GNAT3: variants seen among roughly 807,000 people sequenced by gnomAD.
GNAT3 encodes the protein guanine nucleotide-binding protein G(t) subunit alpha-3.
Under a neutral mutation model 37.7 loss-of-function variants are expected in GNAT3, and 31 were observed. That is an observed-to-expected ratio of 0.82 (90% CI 0.62 to 1.11). The LOEUF (loss-of-function observed/expected upper bound fraction) is 1.11. Ranked by LOEUF, GNAT3 falls within the 50% of genes most tolerant of loss-of-function variation. The pLI is 0.00. For missense variants in GNAT3, 437 were observed against 412.5 expected (o/e 1.06, Z -0.51); for synonymous variants, 138 against 139.8 (o/e 0.99, Z 0.09).
At chr7:80,462,665 G>A (rs799936) in intron 5 of GNAT3, 34 bp from the exon 6 acceptor site, 504,375 of 1,572,548 alleles carry the variant, frequency 0.32, 86,104 homozygotes, top group East Asian at 0.66. Flanking sequence ...AATAAATCTT[G>A]CAAATATCCT....
At chr7:80,507,202 AC>A (rs1790963164) in intron 1 of GNAT3, among the ~76,000 whole-genome samples, 2 of 151,960 alleles carry the variant, frequency 1.3e-5, no homozygotes, top group Non-Finnish European at 2.9e-5. Flanking sequence ...ACAGGCATGG[AC>A]TATGTTGGTG....
At chr7:80,491,384 T>C (rs578223197) in intron 2 of GNAT3, among the ~76,000 whole-genome samples, 2 of 152,176 alleles carry the variant, frequency 1.3e-5, no homozygotes, top group African/African-American at 4.8e-5. Context: ...CTCTCTAGTT[T>C]AGACAAAGTG....
intron 1 of GNAT3, among the ~76,000 whole-genome samples, chr7:80,500,502 C>A (rs1459506996): frequency 3.3e-5 from 5 of 152,044 alleles, no homozygotes; most frequent in Non-Finnish European, 7.4e-5. Flanking sequence ...TCACCAAAAT[C>A]CCTGATAGGA....
chr7:80,506,112 C>T (rs1480631602), intron 1 of GNAT3, among the ~76,000 whole-genome samples: 2 of 152,216 alleles, frequency 1.3e-5, no homozygotes, highest in Admixed American at 6.5e-5. Context: ...GTTAACTGCT[C>T]ATGTTGCTTA....
intron 7 of GNAT3, 70 bp from the exon 8 acceptor site, chr7:80,458,931 T>A (rs1181909017): frequency 4.7e-6 from 5 of 1,055,274 alleles, no homozygotes; most frequent in East Asian, 2.8e-5. Context: ...ATAAATAATA[T>A]CAGCAAATTT....
chr7:80,477,203 G>T (rs1790318832), intron 4 of GNAT3, among the ~76,000 whole-genome samples: 1 of 152,042 alleles, frequency 6.6e-6, no homozygotes, highest in Non-Finnish European at 1.5e-5. Flanking sequence ...TAACTATGTG[G>T]TTTGTACAAG....
chr7:80,467,485 C>G (rs1030284038), intron 5 of GNAT3, among the ~76,000 whole-genome samples: 13 of 152,044 alleles, frequency 8.6e-5, no homozygotes, highest in Non-Finnish European at 1.9e-4. Flanking sequence ...TATGTTAGCT[C>G]TAAGACTAGT....
intron 2 of GNAT3, among the ~76,000 whole-genome samples, chr7:80,489,169 G>A (rs956997522): frequency 6.6e-6 from 1 of 151,958 alleles, no homozygotes; most frequent in African/African-American, 2.4e-5. Flanking sequence ...TTTAGTACAC[G>A]TAATTGCCCT....
intron 1 of GNAT3, among the ~76,000 whole-genome samples, chr7:80,502,035 G>C (rs552923167): frequency 6.6e-6 from 1 of 151,908 alleles, no homozygotes; most frequent in Admixed American, 6.6e-5. Context: ...TAAAATATCT[G>C]ATAATATTTA....
Position 80,462,287 on chromosome 7 carries a change from A to G in GNAT3, c.746T>C (p.Leu249Pro). The change falls in exon 7 of 8, where the codon CTG becomes CCG. Residue 249 changes from leucine (L) to proline (P), a missense_variant. By Grantham distance (98) the Leu-to-Pro change is moderately conservative (BLOSUM62 -3). Coordinates refer to ENST00000398291, the MANE Select transcript of GNAT3 (RefSeq NM_001102386.3). ...CTTGTGATTACAGATACTGTTGAACAGGTGAAGGCTTTCATGCATTCTATT... is the reference window on the plus strand; with the variant it reads ...CTTGTGATTACAGATACTGTTGAACGGGTGAAGGCTTTCATGCATTCTATT... ...EVNRMHESLH[L>P]FNSICNHKYF... is the part of the protein sequence containing the mutation. 5 of 1,613,166 alleles carry G rather than the reference A, an allele frequency of 3.1e-6. No individual in the cohort carries two copies. The highest frequency in any genetic ancestry group is 4.2e-6 in the Non-Finnish European group (5 of 1,179,350).
chr7:80,489,161 T>C (rs906486129), intron 2 of GNAT3, among the ~76,000 whole-genome samples: 13 of 152,094 alleles, frequency 8.5e-5, no homozygotes, highest in African/African-American at 3.1e-4. Context: ...GCATCTTTTT[T>C]AGTACACGTA....
At chr7:80,472,649 G>C (rs1187742038) in intron 5 of GNAT3, among the ~76,000 whole-genome samples, 6 of 152,100 alleles carry the variant, frequency 3.9e-5, no homozygotes. Flanking sequence ...CTTGGGTAGT[G>C]AGCTTTTAGG....
At chr7:80,467,065 G>A (rs895764830) in intron 5 of GNAT3, among the ~76,000 whole-genome samples, 15 of 152,056 alleles carry the variant, frequency 9.9e-5, no homozygotes, top group Admixed American at 1.3e-4. Context: ...CCTTTGAGAG[G>A]CTAAGGTGGT....
intron 3 of GNAT3, among the ~76,000 whole-genome samples, chr7:80,487,351 T>G (rs1285670972): frequency 1.3e-5 from 2 of 152,078 alleles, no homozygotes; most frequent in Admixed American, 1.3e-4. Flanking sequence ...GAGAGATAGA[T>G]TGGAGCAAAC....
rs1789997904 is a variant in GNAT3, at chr7:80,458,800, T to A, written c.936A>T (p.Leu312Phe). 6.3e-7 allele frequency: 1 copy of A among 1,596,620 alleles called. No homozygotes were observed. ...AATAAATTTCCTTATCTTCTTTTTT[T>A]AAATTCAGGTCTAGAAACTGGTTCT... ...YIKNQFLDLN[L>F]KKEDKEIYSH... The change falls in exon 8 of 8, where the codon TTA becomes TTT. Residue 312 changes from leucine (L) to phenylalanine (F), a missense_variant. Coordinates refer to ENST00000398291, the MANE Select transcript of GNAT3 (RefSeq NM_001102386.3).
intron 1 of GNAT3, among the ~76,000 whole-genome samples, chr7:80,495,380 T>G (rs1242791348): frequency 6.6e-6 from 1 of 152,128 alleles, no homozygotes; most frequent in African/African-American, 2.4e-5. Context: ...TCTACATCGC[T>G]GCCAGTATCT....
At chr7:80,480,636 A>ACAAGGG (rs1040260534) in intron 3 of GNAT3, among the ~76,000 whole-genome samples, 5 of 152,118 alleles carry the variant, frequency 3.3e-5, no homozygotes, top group African/African-American at 1.2e-4. Context: ...GATATGCTAA[A>ACAAGGG]CAAGGGGTGG....
At chr7:80,508,914 G>T (rs1361389001) in intron 1 of GNAT3, among the ~76,000 whole-genome samples, 1 of 152,016 alleles carries the variant, frequency 6.6e-6, no homozygotes, top group Non-Finnish European at 1.5e-5. Context: ...TCTGTCAAAA[G>T]TGTTTTTTAG....
At chr7:80,490,138 G>A (rs980016222) in intron 2 of GNAT3, among the ~76,000 whole-genome samples, 18 of 152,068 alleles carry the variant, frequency 1.2e-4, no homozygotes, top group South Asian at 2.1e-4. Flanking sequence ...TGTGTTATGT[G>A]TTAAAGAAAT....
Sources: allele counts gnomAD v4.1 joint callset (sites outside exome capture counted in the v4.1 genomes callset), GRCh38; gene constraint gnomAD v4.1.1; transcripts MANE v1.5; gene names NCBI Gene and HGNC (gene_info 2026-07-23, HGNC 2026-07-21).